NAALADL2: variants seen among roughly 807,000 people sequenced by gnomAD.
The protein encoded by NAALADL2 is inactive N-acetylated-alpha-linked acidic dipeptidase-like protein 2.
In NAALADL2, 76 loss-of-function variants were observed where a neutral mutation model predicts 87.2. That is an observed-to-expected ratio of 0.87 (90% CI 0.72 to 1.05). The LOEUF (loss-of-function observed/expected upper bound fraction) is 1.05. Among genes scored for constraint, NAALADL2 ranks in the 50% least tolerant of loss-of-function variants. NAALADL2 has a pLI of 0.00. For synonymous variants in NAALADL2, 354 were observed against 331.0 expected (o/e 1.07, Z -0.75); for missense variants, 1,089 against 945.8 (o/e 1.15, Z -1.99).
intron 2 of NAALADL2, among the ~76,000 whole-genome samples, chr3:175,169,467 A>G (rs1044868830): frequency 6.6e-6 from 1 of 150,918 alleles, no homozygotes; most frequent in African/African-American, 2.4e-5. Context: ...ATATATATAT[A>G]TATATAATCT....
intron 1 of NAALADL2, among the ~76,000 whole-genome samples, chr3:174,461,628 T>C (rs981730341): frequency 6.6e-6 from 1 of 152,154 alleles, no homozygotes; most frequent in Non-Finnish European, 1.5e-5. Context: ...AACTTTGTAG[T>C]AACTTATATT....
At chr3:175,533,802 A>C (rs1435910469) in intron 9 of NAALADL2, among the ~76,000 whole-genome samples, 2 of 152,142 alleles carry the variant, frequency 1.3e-5, no homozygotes, top group African/African-American at 4.8e-5. Context: ...ACTCTCACTC[A>C]GGCCAATCTT....
chr3:175,446,041 T>C (rs970946176), intron 5 of NAALADL2, among the ~76,000 whole-genome samples: 2 of 152,190 alleles, frequency 1.3e-5, no homozygotes, highest in South Asian at 4.1e-4. Context: ...CTGGGATTTA[T>C]TGACTGATGA....
At chr3:175,351,131 T>C (rs1209965910) in intron 5 of NAALADL2, among the ~76,000 whole-genome samples, 2 of 152,164 alleles carry the variant, frequency 1.3e-5, no homozygotes, top group Non-Finnish European at 2.9e-5. Context: ...ATAACTTCAA[T>C]GAGTCTCACT....
intron 2 of NAALADL2, among the ~76,000 whole-genome samples, chr3:174,610,977 A>G (rs181294319): frequency 0.016 from 2,361 of 152,264 alleles, 16 homozygotes; most frequent in Middle Eastern, 0.034. Context: ...ATGGAATACT[A>G]TGCAGCCATA....
At chr3:175,260,657 C>T (rs1010715077) in intron 4 of NAALADL2, among the ~76,000 whole-genome samples, 1 of 152,094 alleles carries the variant, frequency 6.6e-6, no homozygotes, top group Non-Finnish European at 1.5e-5. Context: ...TCTAAATGAA[C>T]ATTTTGTCTG....
chr3:174,682,951 A>T (rs1393809364), intron 2 of NAALADL2, among the ~76,000 whole-genome samples: 2 of 152,228 alleles, frequency 1.3e-5, no homozygotes, highest in African/African-American at 4.8e-5. Flanking sequence ...AGAGACAGAG[A>T]TATGTGACCT....
intron 2 of NAALADL2, among the ~76,000 whole-genome samples, chr3:175,196,389 C>G (rs1738998478): frequency 6.6e-6 from 1 of 151,876 alleles, no homozygotes; most frequent in South Asian, 2.1e-4. Flanking sequence ...TTAAAAACCT[C>G]TTTAGGAAGA....
intron 1 of NAALADL2, among the ~76,000 whole-genome samples, chr3:175,048,169 G>GT (rs1227042103): frequency 6.6e-6 from 1 of 152,062 alleles, no homozygotes; most frequent in Non-Finnish European, 1.5e-5. Flanking sequence ...TTGAGTGTGG[G>GT]TTTTTCCCCC....
intron 1 of NAALADL2, among the ~76,000 whole-genome samples, chr3:175,047,251 C>G (rs1387461986): frequency 6.6e-6 from 1 of 152,060 alleles, no homozygotes; most frequent in South Asian, 2.1e-4. Context: ...GTTTTGGATT[C>G]CCCCCAAAGT....
chr3:174,984,418 A>T (rs530771128), intron 1 of NAALADL2, among the ~76,000 whole-genome samples: 6 of 148,686 alleles, frequency 4.0e-5, no homozygotes, highest in Admixed American at 2.0e-4. Context: ...AGCTTGTTTA[A>T]TTTTTTTTTT....
chr3:175,111,594 A>C (rs1724204104), intron 2 of NAALADL2, among the ~76,000 whole-genome samples: 1 of 151,686 alleles, frequency 6.6e-6, no homozygotes, highest in Non-Finnish European at 1.5e-5. Context: ...ACAAAATTTG[A>C]AAAATGGTTT....
chr3:175,196,923 G>A (rs920639172), intron 2 of NAALADL2, among the ~76,000 whole-genome samples: 1 of 151,734 alleles, frequency 6.6e-6, no homozygotes, highest in African/African-American at 2.4e-5. Context: ...AGCAATTTTG[G>A]CATCACTAGT....
chr3:175,075,733 G>A (rs1246553111), intron 1 of NAALADL2, among the ~76,000 whole-genome samples: 1 of 152,050 alleles, frequency 6.6e-6, no homozygotes, highest in Non-Finnish European at 1.5e-5. Flanking sequence ...GTCTAGTCAG[G>A]CCCAGAATAA....
chr3:175,258,820 G>A (rs1243339165), intron 4 of NAALADL2, among the ~76,000 whole-genome samples: 1 of 152,112 alleles, frequency 6.6e-6, no homozygotes, highest in Non-Finnish European at 1.5e-5. Flanking sequence ...GGTTTACTAA[G>A]CATTTAATAA....
intron 2 of NAALADL2, among the ~76,000 whole-genome samples, chr3:174,721,665 C>A (rs1578679475): frequency 1.3e-5 from 2 of 152,190 alleles, no homozygotes; most frequent in Admixed American, 6.5e-5. Flanking sequence ...AATGTGTCTA[C>A]CAGAGTTCCA....
intron 13 of NAALADL2, among the ~76,000 whole-genome samples, chr3:175,793,566 C>T (rs1252765461): frequency 1.3e-5 from 2 of 151,968 alleles, no homozygotes; most frequent in African/African-American, 2.4e-5. Context: ...CTGCCGACCT[C>T]GGCCTCCTGA....
At chr3:175,106,796 A>T (rs1482857388) in intron 2 of NAALADL2, among the ~76,000 whole-genome samples, 1 of 152,122 alleles carries the variant, frequency 6.6e-6, no homozygotes, top group African/African-American at 2.4e-5. Flanking sequence ...CATGCTTTAG[A>T]AATTAAGCAA....
intron 1 of NAALADL2, among the ~76,000 whole-genome samples, chr3:174,460,353 C>T (rs1716135545): frequency 1.3e-5 from 2 of 151,908 alleles, no homozygotes; most frequent in African/African-American, 4.8e-5. Context: ...CCAAGTGATA[C>T]AGGTCTTGCA....
Sources: allele counts gnomAD v4.1 joint callset (sites outside exome capture counted in the v4.1 genomes callset), GRCh38; gene constraint gnomAD v4.1.1; transcripts MANE v1.5; gene names NCBI Gene and HGNC (gene_info 2026-07-23, HGNC 2026-07-21).